Variants in CAMKMT observed in about 807,000 individuals in gnomAD.
The protein encoded by CAMKMT is calmodulin-lysine N-methyltransferase.
A neutral mutation model predicts 48.0 loss-of-function variants in CAMKMT; 53 were observed. That is an observed-to-expected ratio of 1.10 (90% confidence interval 0.89 to 1.39). The LOEUF is 1.39. Ranked by LOEUF, CAMKMT falls within the 40% of genes most tolerant of loss-of-function variation. CAMKMT has a pLI of 0.00. For synonymous variants in CAMKMT, 165 were observed against 152.3 expected (o/e 1.08, Z -0.61); for missense variants, 428 against 402.7 (o/e 1.06, Z -0.54).
intron 3 of CAMKMT, among the ~76,000 whole-genome samples, chr2:44,650,492 A>G (rs530589694): frequency 6.6e-6 from 1 of 152,338 alleles, no homozygotes; most frequent in South Asian, 2.1e-4. Context: ...TTAGTATATA[A>G]ATAAGAAATG....
Position 44,743,622 on chromosome 2 carries a change from C to A in CAMKMT, c.624C>A (p.Cys208Ter), listed in dbSNP as rs765180462. 5 of 1,608,996 alleles carry A rather than the reference C, an allele frequency of 3.1e-6. No individual in the cohort carries two copies. Among genetic ancestry groups the A allele is most frequent in the Admixed American group, 3.4e-5 (2 of 59,486 alleles). The change falls in exon 8 of 11, where the codon TGC (cysteine) becomes TGA (stop). Residue 208 changes from cysteine to a stop codon, truncating the protein, a stop_gained and splice_region_variant. Coordinates refer to ENST00000378494, the MANE Select transcript of CAMKMT (RefSeq NM_024766.5). LOFTEE classifies it high-confidence loss of function. The part of the protein sequence containing the change: ...GVFKTQKISS[C>*]VLRWDNETDV... ...TTTTTAAAATCTTTTTCTCCTCAAG[C>A]GTTTTACGATGGGATAATGAGACAG...
intron 3 of CAMKMT, among the ~76,000 whole-genome samples, chr2:44,532,749 A>C (rs1157306904): frequency 6.6e-6 from 1 of 152,200 alleles, no homozygotes; most frequent in Non-Finnish European, 1.5e-5. Context: ...GAAAAAATTT[A>C]TGAGGACTTC....
intron 3 of CAMKMT, among the ~76,000 whole-genome samples, chr2:44,630,247 A>C (rs1379123595): frequency 1.3e-5 from 2 of 151,346 alleles, no homozygotes; most frequent in Non-Finnish European, 3.0e-5. Flanking sequence ...AAATTAATTC[A>C]AGATGGATTA....
At chr2:44,412,325 G>GT (rs1045292421) in intron 3 of CAMKMT, among the ~76,000 whole-genome samples, 9 of 151,854 alleles carry the variant, frequency 5.9e-5, no homozygotes, top group Non-Finnish European at 1.3e-4. Context: ...GTTTGTTTAA[G>GT]TTTTTTTTGT....
chr2:44,562,143 G>A (rs1668356431), intron 3 of CAMKMT, among the ~76,000 whole-genome samples: 1 of 152,182 alleles, frequency 6.6e-6, no homozygotes, highest in Non-Finnish European at 1.5e-5. Context: ...CCCAGCTGCT[G>A]TCTTTGAGTA....
chr2:44,580,254 A>G (rs933049047), intron 3 of CAMKMT, among the ~76,000 whole-genome samples: 3 of 151,604 alleles, frequency 2.0e-5, no homozygotes, highest in African/African-American at 7.3e-5. Flanking sequence ...AAAATAAAAT[A>G]AAATAAAATA....
At chr2:44,739,961 G>C (rs1177306110) in intron 7 of CAMKMT, among the ~76,000 whole-genome samples, 2 of 152,120 alleles carry the variant, frequency 1.3e-5, no homozygotes, top group Non-Finnish European at 2.9e-5. Flanking sequence ...ATAGATCAAA[G>C]GGGATGGATC....
intron 7 of CAMKMT, among the ~76,000 whole-genome samples, chr2:44,738,933 G>C (rs1679512580): frequency 6.6e-6 from 1 of 152,154 alleles, no homozygotes; most frequent in South Asian, 2.1e-4. Context: ...AGAGCATTTT[G>C]GCTGCTCAAG....
chr2:44,422,764 G>A (rs183933189), intron 3 of CAMKMT, among the ~76,000 whole-genome samples: 11 of 151,766 alleles, frequency 7.2e-5, no homozygotes, highest in African/African-American at 2.7e-4. Context: ...TTGTAGATCA[G>A]TGTTTTACTC....
intron 1 of CAMKMT, among the ~76,000 whole-genome samples, chr2:44,370,746 A>G (rs1171953850): frequency 2.0e-5 from 3 of 151,962 alleles, no homozygotes; most frequent in Non-Finnish European, 4.4e-5. Context: ...GTAAGCCTGG[A>G]TTTAGCTGCA....
intron 3 of CAMKMT, among the ~76,000 whole-genome samples, chr2:44,685,331 A>G (rs887771365): frequency 1.3e-5 from 2 of 152,208 alleles, no homozygotes; most frequent in Non-Finnish European, 2.9e-5. Context: ...GACAGAGGGA[A>G]AACTGAGGGA....
intron 3 of CAMKMT, among the ~76,000 whole-genome samples, chr2:44,556,301 G>T (rs1041653162): frequency 3.8e-4 from 57 of 151,666 alleles, no homozygotes; most frequent in African/African-American, 1.3e-3. Flanking sequence ...ACCACACCTG[G>T]CTAATTTTTG....
intron 3 of CAMKMT, among the ~76,000 whole-genome samples, chr2:44,537,469 T>G (rs1303501156): frequency 6.6e-6 from 1 of 152,188 alleles, no homozygotes; most frequent in Non-Finnish European, 1.5e-5. Context: ...CACAATGAGA[T>G]ATTGTTGTAT....
At chr2:44,668,739 A>T (rs566133848) in intron 3 of CAMKMT, among the ~76,000 whole-genome samples, 10 of 148,834 alleles carry the variant, frequency 6.7e-5, no homozygotes, top group Admixed American at 6.7e-5. Flanking sequence ...TTAAGTAACC[A>T]CTCTCTCAAA....
Position 44,486,393 on chromosome 2 carries a change from G to T in CAMKMT, c.376+96088G>T, listed in dbSNP as rs552469488. 2.4e-3 allele frequency among the ~76,000 whole-genome samples: 361 copies of T among 152,260 alleles called. 1 individual carries two copies. Among genetic ancestry groups the T allele is most frequent in the African/African-American group, 8.2e-3 (339 of 41,542 alleles). ...AGGTAACAGAAGTTGTGTTTTGTTT[G>T]TTGTTTGTTTGTTTGTTTTTTAGCT... is the stretch of plus-strand genomic sequence containing the variant. On this transcript the variant is annotated intron_variant, in intron 3 of 10. Transcript: ENST00000378494.
chr2:44,496,095 A>G (rs1353875473), intron 3 of CAMKMT, among the ~76,000 whole-genome samples: 1 of 152,210 alleles, frequency 6.6e-6, no homozygotes, highest in Non-Finnish European at 1.5e-5. Context: ...ATGCCAAAGC[A>G]TTTGAAGCTT....
chr2:44,722,176 C>CTTTTTTTTTTTTTTTTTT (rs11323950), intron 7 of CAMKMT, among the ~76,000 whole-genome samples: 1 of 115,458 alleles, frequency 8.7e-6, no homozygotes, highest in African/African-American at 3.2e-5. Context: ...TTTCTTTTTT[C>CTTTTTTTTTTTTTTTTTT]TTTTTTTTTT....
chr2:44,690,706 T>C (rs1288689940), intron 3 of CAMKMT, among the ~76,000 whole-genome samples: 1 of 152,194 alleles, frequency 6.6e-6, no homozygotes, highest in African/African-American at 2.4e-5. Flanking sequence ...CTGGGTGTGG[T>C]GGCTCACGCC....
rs543621649 is a variant in CAMKMT at position 44,399,851 on chromosome 2, G to C, written c.376+9546G>C. On this transcript the variant is annotated intron_variant, in intron 3 of 10. Transcript: ENST00000378494. The stretch of plus-strand genomic sequence containing the variant: ...TTAGTTAGGGTGACTGTACAGCCTC[G>C]TTTGCCTCCAGTGGTCGCAGTTGTT... Among the ~76,000 whole-genome samples the C allele has an allele frequency of 6.6e-5, 10 of 152,224 alleles. 1 individual carries two copies. The highest frequency in any genetic ancestry group is 1.9e-4 in the East Asian group (1 of 5,190).
Sources: gnomAD v4.1 joint callset for allele counts (sites outside exome capture counted in the v4.1 genomes callset) on GRCh38, gnomAD v4.1.1 for gene constraint, MANE v1.5 for transcripts, NCBI Gene and HGNC (gene_info 2026-07-23, HGNC 2026-07-21) for gene names.